BDNF: variants seen among roughly 807,000 people sequenced by gnomAD.
BDNF encodes brain derived neurotrophic factor, also known as neurotrophic factor BDNF precursor form.
A neutral mutation model predicts 19.5 loss-of-function variants in BDNF; 1 was observed. The ratio of observed to expected loss-of-function variants is 0.05; its 90% CI spans 0.02 to 0.24. The LOEUF is 0.24. Among genes scored for constraint, BDNF ranks in the 10% least tolerant of loss-of-function variants. The pLI is 1.00. For synonymous variants in BDNF, 100 were observed against 121.6 expected (o/e 0.82, Z 1.17); for missense variants, 195 against 317.6 (o/e 0.61, Z 2.93).
At chr11:27,663,186 A>C (rs1853744072) in intron 1 of BDNF, among the ~76,000 whole-genome samples, 1 of 152,218 alleles carries the variant, frequency 6.6e-6, no homozygotes, top group Admixed American at 6.5e-5. Flanking sequence ...CTTCATTTTC[A>C]ACCTTCGGAT....
intron 1 of BDNF, among the ~76,000 whole-genome samples, chr11:27,705,491 A>G (rs1860073920): frequency 6.6e-6 from 1 of 152,242 alleles, no homozygotes. Context: ...AAAATAATTT[A>G]GAAAAAAATA....
intron 1 of BDNF, chr11:27,674,282 C>T: frequency 6.4e-7 from 1 of 1,561,328 alleles, no homozygotes; most frequent in East Asian, 2.4e-5. Flanking sequence ...TGGCTCCACA[C>T]ATCCAGTTGT....
chr11:27,698,888 A>T (rs1859521197), intron 1 of BDNF, among the ~76,000 whole-genome samples: 1 of 152,134 alleles, frequency 6.6e-6, no homozygotes, highest in African/African-American at 2.4e-5. Context: ...AGAAGCCCTA[A>T]CACACCGCCA....
intron 1 of BDNF, among the ~76,000 whole-genome samples, chr11:27,692,735 A>G (rs1319544960): frequency 6.6e-6 from 1 of 152,236 alleles, no homozygotes. Flanking sequence ...AAAGTTTTCT[A>G]ACTACCATGT....
At position 27,710,614 on chromosome 11, in the gene BDNF, G is replaced by A. The variant is rs895579660; in HGVS notation, c.3+10798C>T. On this transcript the variant is annotated intron_variant, in intron 1 of 1. Coordinates refer to the BDNF transcript ENST00000314915. ...CAGGGACTATAAGCCTTGTAATTAC[G>A]TTTTAGACTGTGCTTGTCCATCCTC... 1.1e-4 allele frequency among the ~76,000 whole-genome samples: 17 copies of A among 152,308 alleles called. No homozygotes were observed. In the East Asian group the frequency reaches 2.7e-3, roughly 24 times the overall value.
chr11:27,672,625 T>C (rs892557426), intron 1 of BDNF, among the ~76,000 whole-genome samples: 2 of 152,084 alleles, frequency 1.3e-5, no homozygotes, highest in African/African-American at 4.8e-5. Flanking sequence ...AATGAAATAT[T>C]AAAATAGTAA....
intron 1 of BDNF, among the ~76,000 whole-genome samples, chr11:27,688,884 A>G (rs1857864890): frequency 1.3e-5 from 2 of 152,194 alleles, no homozygotes; most frequent in East Asian, 3.8e-4. Context: ...AATATTTCTA[A>G]TCATTCACTT....
Position 27,700,155 on chromosome 11 carries a change from C to G in BDNF, c.-22+9G>C. 1.0e-6 allele frequency: 1 copy of G among 985,868 alleles called. No homozygotes were observed. The highest frequency in any genetic ancestry group is 1.2e-6 in the Non-Finnish European group (1 of 830,302). 61.1% of individuals were successfully genotyped at this position (985,868 alleles called of 1,614,324 possible). ...CCTGCACCAAGCCCCATTCCCAGCG[C>G]TTGCCTACCTCGGGGTCCACACAAA... On this transcript the variant is annotated intron_variant, in intron 1 of 1. Transcript: ENST00000356660.
At chr11:27,702,523 TGCGAA>T (rs972423990), upstream of BDNF, among the ~76,000 whole-genome samples, 15 of 152,196 alleles carry the variant, frequency 9.9e-5, no homozygotes, top group Non-Finnish European at 1.9e-4. Context: ...ACCTAATAAT[TGCGAA>T]GACTATTGCT....
intron 1 of BDNF, among the ~76,000 whole-genome samples, chr11:27,685,228 G>T (rs1241607510): frequency 6.6e-6 from 1 of 152,050 alleles, no homozygotes; most frequent in East Asian, 1.9e-4. Context: ...TATTTTTGTG[G>T]GATCAGTGGT....
At chr11:27,693,572 A>T (rs1858583568) in intron 1 of BDNF, among the ~76,000 whole-genome samples, 1 of 152,118 alleles carries the variant, frequency 6.6e-6, no homozygotes, top group Non-Finnish European at 1.5e-5. Flanking sequence ...GTATTTTCCC[A>T]ATGTTGCATA....
intron 1 of BDNF, chr11:27,720,306 A>G (rs1860700031): frequency 1.0e-6 from 1 of 984,398 alleles, no homozygotes; most frequent in Non-Finnish European, 1.2e-6. Context: ...AAAATAGCTC[A>G]AGAATTGGGG....
chr11:27,658,172 G>A lies in BDNF; in HGVS notation c.393C>T (p.Asp131=). The A allele has an allele frequency of 6.2e-7, 1 of 1,614,134 alleles. No homozygotes were observed. The change falls in exon 2 of 2, where the codon GAC becomes GAT. Residue 131 remains aspartate (D), a synonymous_variant. Coordinates refer to ENST00000356660, the MANE Select transcript of BDNF (RefSeq NM_001709.5). This position sits in a 1 kb window ranked among gnomAD's most constrained non-coding sequence, Gnocchi z 5.7. ...CGCTCAGCTCCCCTCGGCGGGCAGG[G>A]TCAGAGTGGCGCCGGACCCTCATGG... ...NMSMRVRRHS[D]PARRGELSVC... is the part of the protein sequence containing the mutation.
rs367703673 is a variant in BDNF at position 27,683,255 on chromosome 11, TG to T, written c.-22+16908del. On this transcript the variant is annotated intron_variant, in intron 1 of 1. Transcript: ENST00000356660. ...CCCTTCGCCCACTTTTTGATGGGGT[TG>T]TTTTTTTTCTTGTAAACTTGTTTAG... 6.9e-4 allele frequency among the ~76,000 whole-genome samples: 105 copies of T among 152,166 alleles called. 5 individuals are homozygous for T. In the South Asian group the frequency reaches 0.022, roughly 31 times the overall value.
chr11:27,694,586 C>CTTTTT (rs34321446), intron 1 of BDNF, among the ~76,000 whole-genome samples: 3 of 123,566 alleles, frequency 2.4e-5, no homozygotes, highest in African/African-American at 9.2e-5. Flanking sequence ...GGTTCCATAA[C>CTTTTT]TTTTTTTTTT....
upstream of BDNF, among the ~76,000 whole-genome samples, chr11:27,704,530 T>G (rs1860033413): frequency 1.3e-5 from 2 of 152,124 alleles, no homozygotes; most frequent in African/African-American, 4.8e-5. Context: ...ACTCCTACCT[T>G]CAGTATTCCT....
At chr11:27,669,197 A>G (rs1564954899) in intron 1 of BDNF, among the ~76,000 whole-genome samples, 1 of 152,216 alleles carries the variant, frequency 6.6e-6, no homozygotes, top group African/African-American at 2.4e-5. Context: ...GCCTTTGACA[A>G]AATTCAACAG....
chr11:27,721,798 G>C (rs1294253083), exon 1 of BDNF: 1 of 268,250 alleles, frequency 3.7e-6, no homozygotes, highest in African/African-American at 2.2e-5. Context: ...CCTTCTAACC[G>C]CCCGTTACTG....
Position 27,657,970 on chromosome 11 carries a change from T to C in BDNF, c.595A>G (p.Ile199Val). The change falls in exon 2 of 2, where the codon ATA becomes GTA. Residue 199 changes from isoleucine (I) to valine (V), a missense_variant. Coordinates refer to ENST00000356660, the MANE Select transcript of BDNF (RefSeq NM_001709.5). This position sits in a 1 kb window ranked among gnomAD's most constrained non-coding sequence, Gnocchi z 5.0. ...MGYTKEGCRG[I>V]DKRHWNSQCR... ...TGGGAGTTCCAATGCCTTTTGTCTA[T>C]GCCCCTGCAGCCTTCTTTTGTGTAA... The C allele has an allele frequency of 6.2e-7, 1 of 1,614,186 alleles. No homozygotes were observed. Among genetic ancestry groups the C allele is most frequent in the Non-Finnish European group, 8.5e-7 (1 of 1,180,034 alleles).
Sources: gnomAD v4.1 joint callset for allele counts (sites outside exome capture counted in the v4.1 genomes callset) on GRCh38, gnomAD v4.1.1 for gene constraint, Gnocchi (gnomAD v3.1) non-coding constraint, MANE v1.5 for transcripts, NCBI Gene and HGNC (gene_info 2026-07-23, HGNC 2026-07-21) for gene names.